Variants in ZNF277 observed in about 807,000 individuals in gnomAD.
The protein encoded by ZNF277 is nuclear receptor-interacting factor 4.
ZNF277 carries 55 observed loss-of-function variants against 60.7 expected under a neutral mutation model. The ratio of observed to expected loss-of-function variants is 0.91; its 90% CI spans 0.73 to 1.13. The LOEUF is 1.13. ZNF277 is among the 50% of genes most tolerant of loss of function. ZNF277 has a pLI of 0.00. For synonymous variants in ZNF277, 178 were observed against 179.3 expected (o/e 0.99, Z 0.06); for missense variants, 510 against 523.0 (o/e 0.98, Z 0.24).
intron 4 of ZNF277, among the ~76,000 whole-genome samples, chr7:112,304,380 C>A (rs1342780114): frequency 6.6e-6 from 1 of 152,042 alleles, no homozygotes; most frequent in East Asian, 1.9e-4. Context: ...TTCAGTGACC[C>A]TTTTGACACT....
At chr7:112,232,967 T>C (rs1407974776) in intron 1 of ZNF277, among the ~76,000 whole-genome samples, 1 of 152,208 alleles carries the variant, frequency 6.6e-6, no homozygotes, top group Non-Finnish European at 1.5e-5. Flanking sequence ...CCTGCCTACC[T>C]CACCAACTCC....
intron 1 of ZNF277, 46 bp from the exon 2 acceptor site, chr7:112,286,825 CAG>C: frequency 7.1e-7 from 1 of 1,414,442 alleles, no homozygotes; most frequent in Non-Finnish European, 9.3e-7. Context: ...GAGTTGGTTT[CAG>C]CTTTTCTTTC....
At chr7:112,285,436 T>A (rs1309538807) in intron 1 of ZNF277, among the ~76,000 whole-genome samples, 2 of 85,072 alleles carry the variant, frequency 2.4e-5, no homozygotes, top group African/African-American at 1.8e-4. Flanking sequence ...AATAGGAAAT[T>A]TTTTTTTTTT....
At chr7:112,335,510 TA>T (rs538095176) in intron 7 of ZNF277, among the ~76,000 whole-genome samples, 165 of 152,110 alleles carry the variant, frequency 1.1e-3, no homozygotes, top group Admixed American at 2.0e-3. Flanking sequence ...TGGCAAAGGA[TA>T]AAAGGGATTT....
intron 1 of ZNF277, among the ~76,000 whole-genome samples, chr7:112,258,787 A>G (rs1364424159): frequency 2.0e-5 from 3 of 152,094 alleles, no homozygotes; most frequent in Non-Finnish European, 4.4e-5. Context: ...TGTTCTTAAC[A>G]TGCTTTATTA....
Position 112,261,468 on chromosome 7 carries a change from ATTATT to A in ZNF277, c.92-25396_92-25392del, listed in dbSNP as rs1006768958. On this transcript the variant is annotated intron_variant, in intron 1 of 11. Transcript: ENST00000361822. ...TTTGTTTTTCAGATTAAGAAAACTG[ATTATT>A]TTATTTTAGCCTATATCGACAATCA... Among the ~76,000 whole-genome samples, 6 of 152,120 alleles carry A rather than the reference ATTATT, an allele frequency of 3.9e-5. No homozygotes were observed. The East Asian group carries it at 5.8e-4, about 15-fold the overall frequency.
chr7:112,258,089 G>C (rs146165191), intron 1 of ZNF277, among the ~76,000 whole-genome samples: 1 of 152,004 alleles, frequency 6.6e-6, no homozygotes, highest in Non-Finnish European at 1.5e-5. Context: ...TCATTTTAAT[G>C]ATGGTAACTA....
Position 112,330,200 on chromosome 7 carries a change from A to G in ZNF277, c.785A>G (p.Tyr262Cys). 6.2e-7 allele frequency: 1 copy of G among 1,612,582 alleles called. No individual in the cohort carries two copies. Among genetic ancestry groups the G allele is most frequent in the African/African-American group, 1.3e-5 (1 of 75,028 alleles). The change falls in exon 7 of 12, where the codon TAT becomes TGT. Residue 262 changes from tyrosine to cysteine, a missense_variant. By Grantham distance (194) the Tyr-to-Cys change is radical. Coordinates refer to ENST00000361822, the MANE Select transcript of ZNF277 (RefSeq NM_021994.3). ...AAGAACAGAGAATATGACAGATTTT[A>G]TGTCATCAATTATTTGGTAAGGCTT... Reference protein sequence around the residue: ...NPKNREYDRFYVINYLELGKS... With the variant: ...NPKNREYDRFCVINYLELGKS...
chr7:112,238,525 T>G (rs1034291667), intron 1 of ZNF277, among the ~76,000 whole-genome samples: 2 of 152,090 alleles, frequency 1.3e-5, no homozygotes, highest in Non-Finnish European at 2.9e-5. Flanking sequence ...GTGCTGGGCT[T>G]GGAGCCAGTG....
chr7:112,237,136 A>G (rs58155631), intron 1 of ZNF277, among the ~76,000 whole-genome samples: 3,671 of 152,252 alleles, frequency 0.024, 148 homozygotes, highest in African/African-American at 0.083. Context: ...AATGATCAGT[A>G]TGACAAAATT....
At chr7:112,274,930 CAAAT>C (rs1488326542) in intron 1 of ZNF277, among the ~76,000 whole-genome samples, 1 of 152,146 alleles carries the variant, frequency 6.6e-6, no homozygotes, top group South Asian at 2.1e-4. Context: ...TCTATAGAAC[CAAAT>C]AAATAAAAGC....
intron 4 of ZNF277, among the ~76,000 whole-genome samples, chr7:112,299,845 A>G (rs1040572403): frequency 1.4e-4 from 21 of 152,294 alleles, no homozygotes; most frequent in Admixed American, 5.2e-4. Flanking sequence ...TTAGTAGGGC[A>G]TTTGCTGACT....
intron 1 of ZNF277, among the ~76,000 whole-genome samples, chr7:112,263,484 A>G (rs572938599): frequency 6.6e-6 from 1 of 152,342 alleles, no homozygotes; most frequent in East Asian, 1.9e-4. Flanking sequence ...AATTCCTAGC[A>G]TGATGCCTAA....
intron 1 of ZNF277, among the ~76,000 whole-genome samples, chr7:112,222,787 C>A (rs1471274929): frequency 1.3e-5 from 2 of 152,096 alleles, no homozygotes; most frequent in African/African-American, 4.8e-5. Flanking sequence ...TGATCCTGAG[C>A]GTGTCTGTGA....
At chr7:112,308,454 T>C (rs922809110) in intron 4 of ZNF277, among the ~76,000 whole-genome samples, 1 of 151,686 alleles carries the variant, frequency 6.6e-6, no homozygotes, top group Admixed American at 6.6e-5. Flanking sequence ...GAGGTGGAGG[T>C]TGCAGTGAGT....
At chr7:112,285,277 G>A (rs973017947) in intron 1 of ZNF277, among the ~76,000 whole-genome samples, 55 of 151,806 alleles carry the variant, frequency 3.6e-4, no homozygotes, top group East Asian at 1.7e-3. Context: ...TGATCTGCCC[G>A]CCTCTGCCTC....
At chr7:112,307,191 G>A (rs1404242430) in intron 4 of ZNF277, among the ~76,000 whole-genome samples, 1 of 152,074 alleles carries the variant, frequency 6.6e-6, no homozygotes, top group Non-Finnish European at 1.5e-5. Context: ...TGAGAACTTG[G>A]AGGAAGCCCA....
chr7:112,290,872 G>T (rs2117068414), intron 2 of ZNF277, among the ~76,000 whole-genome samples: 2 of 152,222 alleles, frequency 1.3e-5, no homozygotes, highest in Middle Eastern at 6.8e-3. Flanking sequence ...TAAGGTGTAG[G>T]GTTGGGAGGA....
chr7:112,239,120 T>C (rs1407815567), intron 1 of ZNF277, among the ~76,000 whole-genome samples: 1 of 152,038 alleles, frequency 6.6e-6, no homozygotes, highest in African/African-American at 2.4e-5. Flanking sequence ...CCCAGCACAT[T>C]CCCAGCTATG....
Sources: allele counts gnomAD v4.1 joint callset (sites outside exome capture counted in the v4.1 genomes callset), GRCh38; gene constraint gnomAD v4.1.1; transcripts MANE v1.5; gene names NCBI Gene and HGNC (gene_info 2026-07-23, HGNC 2026-07-21).